NOTCH2NLC: variants seen among roughly 807,000 people sequenced by gnomAD.
The protein encoded by NOTCH2NLC is notch homolog 2 N-terminal-like protein C.
Under a neutral mutation model 17.7 loss-of-function variants are expected in NOTCH2NLC, and 4 were observed. The observed-to-expected ratio is 0.23, with a 90% CI of 0.11 to 0.52. The LOEUF (loss-of-function observed/expected upper bound fraction) is 0.52, where lower values mean the gene tolerates loss of function less well. Among genes scored for constraint, NOTCH2NLC ranks in the 20% least tolerant of loss-of-function variants. The pLI is 0.96. For synonymous variants in NOTCH2NLC, 18 were observed against 86.0 expected (o/e 0.21, Z 4.38); for missense variants, 57 against 207.2 (o/e 0.28, Z 4.45).
At chr1:149,429,271 T>C (rs2084430551) in intron 1 of NOTCH2NLC, among the ~76,000 whole-genome samples, 2 of 150,838 alleles carry the variant, frequency 1.3e-5, no homozygotes, top group South Asian at 4.2e-4. Flanking sequence ...AGAGGCCACT[T>C]ATTCTCTCTG....
At chr1:149,437,922 T>C (rs1450272890) in intron 2 of NOTCH2NLC, among the ~76,000 whole-genome samples, 2 of 148,534 alleles carry the variant, frequency 1.3e-5, no homozygotes, top group African/African-American at 4.9e-5. Flanking sequence ...TTAGTCCTCA[T>C]GTGAGAGAGA....
intron 1 of NOTCH2NLC, among the ~76,000 whole-genome samples, chr1:149,414,504 C>G (rs1570904293): frequency 6.6e-6 from 1 of 150,958 alleles, no homozygotes; most frequent in Non-Finnish European, 1.5e-5. Context: ...AAGCAGGACC[C>G]TTCACACCCT....
chr1:149,394,358 TG>T (rs2084193536), intron 1 of NOTCH2NLC, among the ~76,000 whole-genome samples: 1 of 150,992 alleles, frequency 6.6e-6, no homozygotes, highest in South Asian at 2.1e-4. Flanking sequence ...CCATAACAAA[TG>T]TAACCTTAGT....
rs1368133262 is a variant in NOTCH2NLC, at chr1:149,471,309, C to G, written c.*7156C>G. 2.0e-5 allele frequency among the ~76,000 whole-genome samples: 3 copies of G among 150,130 alleles called. No individual in the cohort carries two copies. Among genetic ancestry groups the G allele is most frequent in the African/African-American group, 7.3e-5 (3 of 40,964 alleles). On this transcript the variant is annotated 3_prime_UTR_variant, in exon 5 of 5. Transcript: ENST00000650865. ...CATTCTTGATGATATACTTTTCAGC[C>G]CAAATGTTTTTAACTTGATGGAATA...
intron 2 of NOTCH2NLC, among the ~76,000 whole-genome samples, chr1:149,451,758 CA>C (rs1285775319): frequency 1.1e-5 from 1 of 88,792 alleles, no homozygotes; most frequent in African/African-American, 4.3e-5. Flanking sequence ...TGCTGTTTCT[CA>C]AACACGCTAG....
chr1:149,426,887 C>T lies in NOTCH2NLC; in HGVS notation c.136-4055C>T, dbSNP rs1205098965. Among the ~76,000 whole-genome samples, 86 of 150,580 alleles carry T rather than the reference C, an allele frequency of 5.7e-4. 1 individual carries two copies. Among genetic ancestry groups the T allele is most frequent in the African/African-American group, 2.0e-3 (83 of 41,178 alleles). ...AATTGAATTTTGAAATGAGATCTGT[C>T]CCGGTCTCACTTTCATGGCTTCAGG... On this transcript the variant is annotated intron_variant, in intron 1 of 4. Transcript: ENST00000650865.
At chr1:149,408,669 T>G (rs1181199318) in intron 1 of NOTCH2NLC, among the ~76,000 whole-genome samples, 2 of 151,038 alleles carry the variant, frequency 1.3e-5, no homozygotes, top group African/African-American at 4.9e-5. Flanking sequence ...AAAGAAAAAT[T>G]AACAAACTCA....
At chr1:149,394,451 G>A (rs2084193974) in intron 1 of NOTCH2NLC, among the ~76,000 whole-genome samples, 1 of 150,998 alleles carries the variant, frequency 6.6e-6, no homozygotes, top group Non-Finnish European at 1.5e-5. Flanking sequence ...CATTTCTTCT[G>A]TTTATCTGGG....
intron 3 of NOTCH2NLC, among the ~76,000 whole-genome samples, chr1:149,457,315 C>T (rs1234136154): frequency 1.8e-4 from 6 of 32,832 alleles, no homozygotes; most frequent in Non-Finnish European, 3.7e-4. Flanking sequence ...ATTTTTTCTC[C>T]TGCTTTAAGC....
chr1:149,390,826 C>CGGCGGA lies in NOTCH2NLC; in HGVS notation c.42_47dup (p.Gly17_Gly18dup). Reference sequence around the variant, plus strand: ...CAGGCGGCGGCGGCGGCGGCGGCGGCGGCGGAGGAGGCGGCGACCGAGAAG... The same window carrying CGGCGGA: ...CAGGCGGCGGCGGCGGCGGCGGCGGCGGCGGAGGCGGAGGAGGCGGCGACCGAGAAG... On this transcript the variant is annotated inframe_insertion, in exon 1 of 5. Coordinates refer to ENST00000650865, the MANE Select transcript of NOTCH2NLC (RefSeq NM_001364013.2). 1 of 1,329,516 alleles carries CGGCGGA rather than the reference C, an allele frequency of 7.5e-7. No individual in the cohort carries two copies. The highest frequency in any genetic ancestry group is 3.5e-5 in the Admixed American group (1 of 28,734). 82.4% of individuals were successfully genotyped at this position (1,329,516 alleles called of 1,614,324 possible).
chr1:149,424,672 A>T (rs1295484508), intron 1 of NOTCH2NLC, among the ~76,000 whole-genome samples: 1 of 151,018 alleles, frequency 6.6e-6, no homozygotes, highest in African/African-American at 2.4e-5. Flanking sequence ...GCATTGCTCT[A>T]AAGGAATACC....
chr1:149,444,950 C>CT (rs1445115440), intron 2 of NOTCH2NLC, among the ~76,000 whole-genome samples: 40 of 147,554 alleles, frequency 2.7e-4, no homozygotes, highest in African/African-American at 9.2e-4. Context: ...CTTTTTTTTT[C>CT]TTTTTATTTG....
rs1363864706 is a variant in NOTCH2NLC, at chr1:149,466,102, C to A, written c.*1949C>A. On this transcript the variant is annotated 3_prime_UTR_variant, in exon 5 of 5. Transcript: ENST00000650865. ...TCTTACTGCGCCACATTGCACTGCA[C>A]ATCTGCTTCCTGAAAGCACTTTGTA... 3 of 70,930 alleles carry A rather than the reference C, an allele frequency of 4.2e-5. No individual in the cohort carries two copies. The highest frequency in any genetic ancestry group is 1.7e-4 in the African/African-American group (3 of 17,422). The allele number at this position is 70,930 out of a possible 1,614,324, so 4.4% of individuals were successfully genotyped here.
chr1:149,459,134 GA>G (rs1393431654), intron 3 of NOTCH2NLC, among the ~76,000 whole-genome samples: 2 of 120,252 alleles, frequency 1.7e-5, no homozygotes, highest in African/African-American at 6.2e-5. Context: ...GGAATACCAT[GA>G]CAGTGGATAA....
chr1:149,471,806 C>G lies in NOTCH2NLC; in HGVS notation c.*7653C>G, dbSNP rs1242472388. ...AATTATACTATGGAACTAATAATAACAGTAATAAAGCAAGGTGTCTTTCCA... is the reference window on the plus strand; with the variant it reads ...AATTATACTATGGAACTAATAATAAGAGTAATAAAGCAAGGTGTCTTTCCA... On this transcript the variant is annotated 3_prime_UTR_variant, in exon 5 of 5. Transcript: ENST00000650865. Among the ~76,000 whole-genome samples, 2 of 110,340 alleles carry G rather than the reference C, an allele frequency of 1.8e-5. 1 individual carries two copies. The highest frequency in any genetic ancestry group is 3.7e-5 in the Non-Finnish European group (2 of 54,668). 72.4% of individuals were successfully genotyped at this position (110,340 alleles called of 152,430 possible).
chr1:149,393,094 A>G (rs1403221541), intron 1 of NOTCH2NLC, among the ~76,000 whole-genome samples: 2 of 147,328 alleles, frequency 1.4e-5, no homozygotes, highest in East Asian at 2.0e-4. Context: ...AAAAAAAAAA[A>G]GTATTAAATA....
rs1363476307 is a variant in NOTCH2NLC at position 149,460,901 on chromosome 1, T to C, written c.470-2590T>C. 2.6e-4 allele frequency among the ~76,000 whole-genome samples: 17 copies of C among 66,332 alleles called. 1 individual carries two copies. The highest frequency in any genetic ancestry group is 4.2e-4 in the East Asian group (1 of 2,376). The allele number at this position is 66,332 out of a possible 152,430, so 43.5% of individuals were successfully genotyped here. ...TTTCTTTCTTTCTTTCTTTCTTTCT[T>C]TCTTTCTTTCTTTCTCTCTCTTTCT... On this transcript the variant is annotated intron_variant, in intron 3 of 4. Coordinates refer to ENST00000650865, the MANE Select transcript of NOTCH2NLC (RefSeq NM_001364013.2).
intron 1 of NOTCH2NLC, among the ~76,000 whole-genome samples, chr1:149,418,999 G>T (rs1379204750): frequency 1.2e-4 from 16 of 136,984 alleles, no homozygotes; most frequent in Admixed American, 1.5e-4. Flanking sequence ...TCTTTCTTTT[G>T]CTTCCTTCCT....
At chr1:149,399,107 C>G (rs2084229001) in intron 1 of NOTCH2NLC, among the ~76,000 whole-genome samples, 2 of 150,894 alleles carry the variant, frequency 1.3e-5, no homozygotes, top group Non-Finnish European at 3.0e-5. Flanking sequence ...CTTTAAAATA[C>G]AGTTGTGCTT....
Sources: gnomAD v4.1 joint callset for allele counts (sites outside exome capture counted in the v4.1 genomes callset) on GRCh38, gnomAD v4.1.1 for gene constraint, MANE v1.5 for transcripts, NCBI Gene and HGNC (gene_info 2026-07-23, HGNC 2026-07-21) for gene names.